RAPGEF4: variants seen among roughly 807,000 people sequenced by gnomAD.
RAPGEF4 encodes the protein Rap guanine nucleotide exchange factor 4, also known as RAP guanine-nucleotide-exchange factor (GEF) 4.
A neutral mutation model predicts 147.9 loss-of-function variants in RAPGEF4; 66 were observed. That is an observed-to-expected ratio of 0.45 (90% confidence interval 0.37 to 0.55). RAPGEF4 has a LOEUF of 0.55. Among genes scored for constraint, RAPGEF4 ranks in the 20% least tolerant of loss-of-function variants. The pLI, the probability that RAPGEF4 is intolerant of heterozygous loss-of-function variation, is 0.00. For synonymous variants in RAPGEF4, 419 were observed against 442.7 expected, an observed-to-expected ratio of 0.95 and a Z score of 0.67; for missense variants, 1,071 against 1,257.3, an observed-to-expected ratio of 0.85 and a Z score of 2.24.
intron 1 of RAPGEF4, chr2:172,744,375 C>T: frequency 4.4e-6 from 2 of 456,096 alleles, no homozygotes; most frequent in South Asian, 3.1e-5. Context: ...TCTTTGTTTT[C>T]ACATCTTCAA....
chr2:172,906,611 C>G (rs1699657914), intron 4 of RAPGEF4, among the ~76,000 whole-genome samples: 1 of 152,208 alleles, frequency 6.6e-6, no homozygotes, highest in South Asian at 2.1e-4. Context: ...CAGGCAGCAT[C>G]TGGGTGGGAA....
At chr2:172,816,950 A>G (rs930162752) in intron 4 of RAPGEF4, among the ~76,000 whole-genome samples, 1 of 152,254 alleles carries the variant, frequency 6.6e-6, no homozygotes, top group African/African-American at 2.4e-5. Flanking sequence ...TGAAAATGCA[A>G]TAAACCCCAT....
At chr2:172,778,263 G>A (rs555013629) in intron 1 of RAPGEF4, among the ~76,000 whole-genome samples, 3 of 152,156 alleles carry the variant, frequency 2.0e-5, no homozygotes, top group South Asian at 2.1e-4. Flanking sequence ...GTTCTTTCCC[G>A]GAAGCCCCAG....
At chr2:173,017,345 C>A in intron 20 of RAPGEF4, 81 bp from the exon 21 acceptor site, 2 of 1,500,522 alleles carry the variant, frequency 1.3e-6, no homozygotes, top group Non-Finnish European at 1.9e-6. Flanking sequence ...ACTCTGCTTG[C>A]TTCTCAGATG....
At chr2:172,832,665 A>C (rs1005617871) in intron 4 of RAPGEF4, among the ~76,000 whole-genome samples, 1 of 152,218 alleles carries the variant, frequency 6.6e-6, no homozygotes, top group Non-Finnish European at 1.5e-5. Context: ...TTTCATTCTT[A>C]CTAGGGCAGT....
rs192488573 is a variant in RAPGEF4, at chr2:172,989,217, C to T, written c.1374+378C>T. On this transcript the variant is annotated intron_variant, in intron 14 of 30. Coordinates refer to ENST00000397081, the MANE Select transcript of RAPGEF4 (RefSeq NM_007023.4). ...CCCACTCTCCAACACAGTGGCAGCCCCCTCTGCCCCTTGTCTTTCTCTTTC... is the reference window on the plus strand; with the variant it reads ...CCCACTCTCCAACACAGTGGCAGCCTCCTCTGCCCCTTGTCTTTCTCTTTC... Among the ~76,000 whole-genome samples, 5 of 152,322 alleles carry T rather than the reference C, an allele frequency of 3.3e-5. No homozygotes were observed. In the East Asian group the frequency reaches 7.7e-4, roughly 24 times the overall value.
intron 3 of RAPGEF4, among the ~76,000 whole-genome samples, chr2:172,802,875 T>G (rs1000389679): frequency 6.6e-6 from 1 of 152,204 alleles, no homozygotes; most frequent in South Asian, 2.1e-4. Flanking sequence ...ACAGGCCCCA[T>G]GCAAGTCTGA....
chr2:172,745,449 T>C (rs1694680285), intron 1 of RAPGEF4, among the ~76,000 whole-genome samples: 1 of 152,096 alleles, frequency 6.6e-6, no homozygotes, highest in African/African-American at 2.4e-5. Context: ...TGGTAATTTG[T>C]GTCTTTTTTT....
intron 4 of RAPGEF4, among the ~76,000 whole-genome samples, chr2:172,857,687 G>A (rs1693582057): frequency 6.6e-6 from 1 of 151,906 alleles, no homozygotes; most frequent in Non-Finnish European, 1.5e-5. Context: ...TTTGAGACCA[G>A]CCTGCGAAAC....
intron 3 of RAPGEF4, among the ~76,000 whole-genome samples, chr2:172,798,582 T>A (rs1047028211): frequency 1.3e-5 from 2 of 152,156 alleles, no homozygotes; most frequent in African/African-American, 4.8e-5. Context: ...AATTAAAGAA[T>A]TATTTAAAGG....
chr2:172,956,733 G>A (rs543512152), intron 6 of RAPGEF4, among the ~76,000 whole-genome samples: 2 of 152,302 alleles, frequency 1.3e-5, no homozygotes, highest in South Asian at 4.1e-4. Context: ...GCCTCCCAAA[G>A]TGCCGGGATT....
At chr2:172,911,758 CTTTTTTT>C (rs34659758) in intron 4 of RAPGEF4, among the ~76,000 whole-genome samples, 48 of 63,242 alleles carry the variant, frequency 7.6e-4, no homozygotes, top group Admixed American at 1.5e-3. Context: ...TGTGCTAAGC[CTTTTTTT>C]TTTTTTTTTT....
chr2:172,936,382 C>G (rs1475770592), intron 6 of RAPGEF4, among the ~76,000 whole-genome samples: 1 of 152,126 alleles, frequency 6.6e-6, no homozygotes, highest in African/African-American at 2.4e-5. Context: ...AAAAAAACTT[C>G]TGTAAATGCT....
At chr2:173,031,843 A>C (rs1697222642) in intron 26 of RAPGEF4, among the ~76,000 whole-genome samples, 1 of 152,088 alleles carries the variant, frequency 6.6e-6, no homozygotes, top group African/African-American at 2.4e-5. Context: ...GGTGAAGTAT[A>C]ATTATATAAT....
At chr2:172,778,331 A>T (rs1175830530) in intron 1 of RAPGEF4, among the ~76,000 whole-genome samples, 2 of 152,166 alleles carry the variant, frequency 1.3e-5, no homozygotes, top group Non-Finnish European at 2.9e-5. Context: ...GGGACTGAAC[A>T]TCTAAACTTT....
chr2:172,744,785 A>C (rs1234927847), intron 1 of RAPGEF4, among the ~76,000 whole-genome samples: 1 of 151,880 alleles, frequency 6.6e-6, no homozygotes, highest in Non-Finnish European at 1.5e-5. Flanking sequence ...ATAGTTTGCT[A>C]TTTTGCCACA....
chr2:172,826,974 A>G (rs72908195), intron 4 of RAPGEF4, among the ~76,000 whole-genome samples: 2,276 of 152,222 alleles, frequency 0.015, 19 homozygotes, highest in South Asian at 0.033. Flanking sequence ...CAAAAAAAAA[A>G]AGAAAAGTAT....
intron 4 of RAPGEF4, among the ~76,000 whole-genome samples, chr2:172,826,847 C>T (rs1028061093): frequency 2.6e-5 from 4 of 151,928 alleles, no homozygotes; most frequent in Non-Finnish European, 5.9e-5. Context: ...TAGCATGTGC[C>T]TGTAGCCATG....
intron 4 of RAPGEF4, among the ~76,000 whole-genome samples, chr2:172,864,471 C>T (rs563487590): frequency 6.6e-6 from 1 of 152,304 alleles, no homozygotes; most frequent in Non-Finnish European, 1.5e-5. Flanking sequence ...CTGGGTAGAC[C>T]TGAGGAACCT....
Sources: allele counts gnomAD v4.1 joint callset (sites outside exome capture counted in the v4.1 genomes callset), GRCh38; gene constraint gnomAD v4.1.1; transcripts MANE v1.5; gene names NCBI Gene and HGNC (gene_info 2026-07-23, HGNC 2026-07-21).